EFCAB12: variants seen among roughly 807,000 people sequenced by gnomAD.
The protein encoded by EFCAB12 is EF-hand calcium binding domain 12.
A neutral mutation model predicts 53.6 loss-of-function variants in EFCAB12; 43 were observed. The ratio of observed to expected loss-of-function variants is 0.80; its 90% CI spans 0.63 to 1.03. The LOEUF (loss-of-function observed/expected upper bound fraction) is 1.03, where lower values mean the gene tolerates loss of function less well. Ranked by LOEUF, EFCAB12 falls within the 50% of genes least tolerant of loss-of-function variation. EFCAB12 has a pLI of 0.00. For synonymous variants in EFCAB12, 269 were observed against 289.2 expected, an observed-to-expected ratio of 0.93 and a Z score of 0.71; for missense variants, 646 against 730.6, an observed-to-expected ratio of 0.88 and a Z score of 1.34.
Position 129,415,187 on chromosome 3 carries a change from C to T in EFCAB12, c.838+58G>A. 6 of 1,520,598 alleles carry T rather than the reference C, an allele frequency of 3.9e-6. No homozygotes were observed. The East Asian group carries it at 1.2e-4, about 31-fold the overall frequency. The allele number at this position is 1,520,598 out of a possible 1,614,324, so 94.2% of individuals were successfully genotyped here. On this transcript the variant is annotated intron_variant, in intron 4 of 8. Transcript: ENST00000505956. ...TTGGAGGAGAGGCCAAGGCTGCCTG[C>T]ACCATGCTTGCTCCCAGGACGGGGA...
rs543904607 is a variant in EFCAB12, at chr3:129,428,393, C to G, written c.49+47G>C. 1.9e-6 allele frequency: 3 copies of G among 1,573,976 alleles called. No individual in the cohort carries two copies. In the South Asian group the frequency reaches 3.5e-5, roughly 18 times the overall value. The stretch of plus-strand genomic sequence containing the variant: ...TGCCCTCACCCCACTTTCACGCGTC[C>G]TTAGGGCGCTGAGCGCTCCCTGCAG... On this transcript the variant is annotated intron_variant, in intron 1 of 8. Transcript: ENST00000505956.
At chr3:129,413,930 G>A (rs753754842) in intron 4 of EFCAB12, 3 of 152,140 alleles carry the variant, frequency 2.0e-5, no homozygotes, top group Non-Finnish European at 4.4e-5. Flanking sequence ...TCTCTGCTGC[G>A]AATATGCATC....
rs3774787 is a variant in EFCAB12 at position 129,421,656 on chromosome 3, T to C, written c.197A>G (p.Glu66Gly). The C allele has an allele frequency of 0.028, 44,489 of 1,613,846 alleles. 5,246 individuals are homozygous for C. The East Asian group carries it at 0.4, about 15-fold the overall frequency. ...RRRIIMVPRKEDQTPLNPASQ... is the reference protein window; with the variant it reads ...RRRIIMVPRKGDQTPLNPASQ... ...TGCAGGATTAAGGGGTGTCTGATCCTCCTTGCGAGGCACCATGATGATTCG... is the reference window on the plus strand; with the variant it reads ...TGCAGGATTAAGGGGTGTCTGATCCCCCTTGCGAGGCACCATGATGATTCG... Residue 66 changes from glutamate (E) to glycine (G), a missense_variant, in exon 2 of 9, where the codon GAG becomes GGG. By Grantham distance (98) the Glu-to-Gly change is moderately conservative (BLOSUM62 -2). Transcript: ENST00000505956.
chr3:129,411,590 A>G, intron 4 of EFCAB12: 1 of 406,272 alleles, frequency 2.5e-6, no homozygotes, highest in Non-Finnish European at 4.4e-6. Context: ...TCTGGTTGCC[A>G]TTCTCGTCCT....
intron 5 of EFCAB12, 79 bp downstream of exon 5, chr3:129,411,079 G>C (rs994840607): frequency 6.8e-7 from 1 of 1,462,678 alleles, no homozygotes; most frequent in East Asian, 2.5e-5. Flanking sequence ...TGCAGCCAGC[G>C]GGTGGTGCTG....
chr3:129,415,630 C>A (rs1445950692), intron 3 of EFCAB12, among the ~76,000 whole-genome samples: 1 of 152,152 alleles, frequency 6.6e-6, no homozygotes, highest in African/African-American at 2.4e-5. Flanking sequence ...CCCTTCTCTG[C>A]CTGAAAAACT....
At position 129,415,382 on chromosome 3, in the gene EFCAB12, T is replaced by C. The variant is rs758576386; in HGVS notation, c.701A>G (p.Asn234Ser). Residue 234 changes from asparagine to serine, a missense_variant, in exon 4 of 9, where the codon AAC becomes AGC. By Grantham distance (46) the Asn-to-Ser change is conservative. Coordinates refer to ENST00000505956, the MANE Select transcript of EFCAB12 (RefSeq NM_207307.3). ...GATCACTATATCCTCCACCTCTTGG[T>C]TCTTCAGAGGGACTCCGACCTGAGG... ...AVKAVGVPLK[N>S]QEVEDIVIYL... The C allele has an allele frequency of 1.9e-6, 3 of 1,613,748 alleles. No individual in the cohort carries two copies. The highest frequency in any genetic ancestry group is 1.1e-5 in the South Asian group (1 of 91,062).
intron 7 of EFCAB12, chr3:129,403,599 C>T (rs2071905603): frequency 6.6e-6 from 1 of 152,388 alleles, no homozygotes; most frequent in African/African-American, 2.4e-5. Flanking sequence ...CTCTCCTCCT[C>T]CCATGCCGCG....
intron 2 of EFCAB12, among the ~76,000 whole-genome samples, chr3:129,418,981 A>G (rs1260361774): frequency 1.3e-5 from 2 of 152,182 alleles, no homozygotes; most frequent in African/African-American, 4.8e-5. Flanking sequence ...GGGCCTTCCC[A>G]TTCCCTAGGG....
chr3:129,408,852 T>A lies in EFCAB12; in HGVS notation c.1042A>T (p.Ile348Phe). 6.4e-7 allele frequency: 1 copy of A among 1,567,740 alleles called. No homozygotes were observed. The highest frequency in any genetic ancestry group is 8.6e-7 in the Non-Finnish European group (1 of 1,156,416). Residue 348 changes from isoleucine to phenylalanine, a missense_variant, in exon 6 of 9, where the codon ATC (isoleucine) becomes TTC (phenylalanine). Coordinates refer to ENST00000505956, the MANE Select transcript of EFCAB12 (RefSeq NM_207307.3). Reference sequence around the variant, plus strand: ...TGCTCCGTGTACTGGATGGAGGGGATCGTGAGCTGCGAAGGAAGCAGAAAG... The same window carrying A: ...TGCTCCGTGTACTGGATGGAGGGGAACGTGAGCTGCGAAGGAAGCAGAAAG... ...RERQRQHKLT[I>F]PSIQYTEQCH...
intron 1 of EFCAB12, among the ~76,000 whole-genome samples, chr3:129,427,829 A>ACCT (rs1194285432): frequency 2.6e-5 from 4 of 151,620 alleles, no homozygotes; most frequent in Admixed American, 2.6e-4. Context: ...GTCCCTTCTG[A>ACCT]CCTCTCTCAC....
intron 4 of EFCAB12, chr3:129,414,205 G>T (rs2072082773): frequency 6.6e-6 from 1 of 152,258 alleles, no homozygotes; most frequent in Non-Finnish European, 1.5e-5. Flanking sequence ...CTGCAGGGCA[G>T]CTGGTTGAGA....
chr3:129,401,858 A>T lies in EFCAB12; in HGVS notation c.1461-7T>A, dbSNP rs2071876728. 2 of 1,610,078 alleles carry T rather than the reference A, an allele frequency of 1.2e-6. No homozygotes were observed. The highest frequency in any genetic ancestry group is 2.2e-5 in the East Asian group (1 of 44,812). On this transcript the variant is annotated splice_polypyrimidine_tract_variant and splice_region_variant and intron_variant, in intron 8 of 8. Coordinates refer to ENST00000505956, the MANE Select transcript of EFCAB12 (RefSeq NM_207307.3). The stretch of plus-strand genomic sequence containing the variant: ...CCTCTTCACCTTCAGCTTCCTGGAA[A>T]ACAAGAAGACACAGGGATGGTTGTC...
intron 5 of EFCAB12, among the ~76,000 whole-genome samples, chr3:129,409,398 A>G (rs1428076100): frequency 2.0e-5 from 3 of 152,286 alleles, no homozygotes; most frequent in East Asian, 3.9e-4. Context: ...AGCCAAGATC[A>G]AGCCACTGCA....
intron 1 of EFCAB12, among the ~76,000 whole-genome samples, chr3:129,427,593 C>T (rs1305828306): frequency 6.6e-6 from 1 of 152,246 alleles, no homozygotes; most frequent in African/African-American, 2.4e-5. Context: ...CCAGCCTCTC[C>T]AGCTCTCCCT....
Position 129,401,522 on chromosome 3 carries a change from C to T in EFCAB12, c.*71G>A. 6.9e-7 allele frequency: 1 copy of T among 1,453,028 alleles called. No individual in the cohort carries two copies. Among genetic ancestry groups the T allele is most frequent in the East Asian group, 2.5e-5 (1 of 39,974 alleles). 90.0% of individuals were successfully genotyped at this position (1,453,028 alleles called of 1,614,324 possible). ...TGACTCTTTGACACTCCTCTTGTGT[C>T]TGGGCTCTGGGCCGCTGGCTGCACT... On this transcript the variant is annotated 3_prime_UTR_variant, in exon 9 of 9. Coordinates refer to ENST00000505956, the MANE Select transcript of EFCAB12 (RefSeq NM_207307.3).
At chr3:129,426,359 G>T (rs28661653) in intron 1 of EFCAB12, among the ~76,000 whole-genome samples, 6,925 of 87,960 alleles carry the variant, frequency 0.079, 506 homozygotes, top group African/African-American at 0.19. Flanking sequence ...GTTTTTTTTT[G>T]TTTTTTTTTT....
intron 5 of EFCAB12, among the ~76,000 whole-genome samples, chr3:129,410,423 C>T (rs948214704): frequency 1.5e-4 from 23 of 151,752 alleles, no homozygotes; most frequent in African/African-American, 5.3e-4. Context: ...CTCAGGCAGT[C>T]CTCTCACCTC....
In EFCAB12 at chr3:129,421,786, T is replaced by G; in HGVS notation, c.67A>C (p.Thr23Pro). Residue 23 changes from threonine to proline, a missense_variant, in exon 2 of 9, where the codon ACT becomes CCT. By Grantham distance (38) the Thr-to-Pro change is conservative. Coordinates refer to ENST00000505956, the MANE Select transcript of EFCAB12 (RefSeq NM_207307.3). ...LSLLGLCPSK[T>P]PINENAPVFD... Reference sequence around the variant, plus strand: ...ACGGGAGCATTTTCATTGATGGGAGTCTTAGACGGGCAGAGTCCTTGGGGT... The same window carrying G: ...ACGGGAGCATTTTCATTGATGGGAGGCTTAGACGGGCAGAGTCCTTGGGGT... 1 of 1,611,926 alleles carries G rather than the reference T, an allele frequency of 6.2e-7. No homozygotes were observed. Among genetic ancestry groups the G allele is most frequent in the Non-Finnish European group, 8.5e-7 (1 of 1,178,798 alleles).
Sources: gnomAD v4.1 joint callset for allele counts (sites outside exome capture counted in the v4.1 genomes callset) on GRCh38, gnomAD v4.1.1 for gene constraint, MANE v1.5 for transcripts, NCBI Gene and HGNC (gene_info 2026-07-23, HGNC 2026-07-21) for gene names.